STAG1: variants seen among roughly 807,000 people sequenced by gnomAD.
STAG1 encodes the protein cohesin subunit SA-1.
A neutral mutation model predicts 170.9 loss-of-function variants in STAG1; 26 were observed. The ratio of observed to expected loss-of-function variants is 0.15; its 90% CI spans 0.11 to 0.21. The LOEUF (loss-of-function observed/expected upper bound fraction) is 0.21. STAG1 is among the 10% of genes least tolerant of loss of function. STAG1 has a pLI of 1.00. For missense variants in STAG1, 964 were observed against 1,509.5 expected, an observed-to-expected ratio of 0.64 and a Z score of 5.99; for synonymous variants, 514 against 497.7, an observed-to-expected ratio of 1.03 and a Z score of -0.44.
intron 1 of STAG1, among the ~76,000 whole-genome samples, chr3:136,650,760 T>C (rs1257326152): frequency 1.3e-5 from 2 of 152,048 alleles, no homozygotes; most frequent in African/African-American, 4.8e-5. Context: ...GAGGAGATAT[T>C]ATGGGACTTA....
At chr3:136,683,691 G>T (rs1027808806) in intron 1 of STAG1, among the ~76,000 whole-genome samples, 2 of 152,096 alleles carry the variant, frequency 1.3e-5, no homozygotes, top group Non-Finnish European at 2.9e-5. Flanking sequence ...GGAAGTCTTA[G>T]CTAATGCAGT....
intron 1 of STAG1, among the ~76,000 whole-genome samples, chr3:136,715,413 C>T (rs1325602426): frequency 6.6e-6 from 1 of 150,888 alleles, no homozygotes; most frequent in African/African-American, 2.4e-5. Context: ...GAGGTCAGGA[C>T]ATGGAGATCA....
intron 1 of STAG1, among the ~76,000 whole-genome samples, chr3:136,693,326 T>A (rs992541079): frequency 6.6e-5 from 10 of 152,194 alleles, no homozygotes; most frequent in African/African-American, 2.4e-4. Context: ...TGGTTGCTCC[T>A]GTGTCTACAA....
chr3:136,677,661 G>C (rs1942167276), intron 1 of STAG1, among the ~76,000 whole-genome samples: 1 of 151,926 alleles, frequency 6.6e-6, no homozygotes, highest in African/African-American at 2.4e-5. Context: ...TTTCTAACAT[G>C]TGAAAACACA....
chr3:136,747,183 G>A (rs1351138182), intron 1 of STAG1, among the ~76,000 whole-genome samples: 1 of 148,038 alleles, frequency 6.8e-6, no homozygotes, highest in East Asian at 2.0e-4. Context: ...TGGGGCAGGA[G>A]AATCACTTGA....
At chr3:136,682,233 T>A (rs1056877363) in intron 1 of STAG1, among the ~76,000 whole-genome samples, 6 of 151,946 alleles carry the variant, frequency 3.9e-5, no homozygotes, top group Admixed American at 2.0e-4. Flanking sequence ...AAGATCAGCC[T>A]GGGAAACATG....
chr3:136,643,549 T>C (rs1940880841), intron 1 of STAG1, among the ~76,000 whole-genome samples: 1 of 152,118 alleles, frequency 6.6e-6, no homozygotes, highest in Non-Finnish European at 1.5e-5. Flanking sequence ...GGCTCTGTTG[T>C]CCAGGCTGGA....
chr3:136,458,531 T>TA (rs2089184002), intron 13 of STAG1, among the ~76,000 whole-genome samples: 1 of 152,014 alleles, frequency 6.6e-6, no homozygotes, highest in African/African-American at 2.4e-5. Context: ...CTATAATAGA[T>TA]ACACCAGAAA....
intron 1 of STAG1, among the ~76,000 whole-genome samples, chr3:136,690,457 A>G (rs777695024): frequency 3.5e-4 from 54 of 152,324 alleles, no homozygotes; most frequent in Admixed American, 2.9e-3. Flanking sequence ...GGCTGGTCTC[A>G]AACTCCTGAC....
chr3:136,664,407 C>T (rs1442912886), intron 1 of STAG1, among the ~76,000 whole-genome samples: 1 of 152,168 alleles, frequency 6.6e-6, no homozygotes, highest in Non-Finnish European at 1.5e-5. Flanking sequence ...TAAAAGTAAA[C>T]AAGGGCAGCT....
chr3:136,454,774 T>C (rs1468151454), intron 13 of STAG1, among the ~76,000 whole-genome samples: 3 of 152,262 alleles, frequency 2.0e-5, no homozygotes, highest in Non-Finnish European at 2.9e-5. Context: ...TTTTTGATCA[T>C]GTAGTAAAAC....
intron 29 of STAG1, 62 bp from the exon 30 acceptor site, chr3:136,344,068 T>C (rs987395762): frequency 7.2e-5 from 93 of 1,296,078 alleles, no homozygotes; most frequent in African/African-American, 2.6e-4. Flanking sequence ...GTAGCAGTCA[T>C]AGCATAGACT....
intron 12 of STAG1, among the ~76,000 whole-genome samples, chr3:136,469,973 G>C (rs980691506): frequency 2.6e-3 from 393 of 152,178 alleles, no homozygotes; most frequent in Non-Finnish European, 3.8e-3. Flanking sequence ...ACACCTTATA[G>C]AAAAATTAAT....
chr3:136,544,382 C>T (rs1444455175), intron 5 of STAG1, among the ~76,000 whole-genome samples: 2 of 152,122 alleles, frequency 1.3e-5, no homozygotes, highest in Admixed American at 1.3e-4. Flanking sequence ...TACACAAGTA[C>T]ACAGAAGACT....
At chr3:136,724,681 C>A (rs1273796251) in intron 1 of STAG1, among the ~76,000 whole-genome samples, 4 of 151,404 alleles carry the variant, frequency 2.6e-5, no homozygotes, top group East Asian at 3.9e-4. Flanking sequence ...TCCAGCTGTG[C>A]TCAGTAGCTC....
chr3:136,541,566 A>G lies in STAG1; in HGVS notation c.471+553T>C, dbSNP rs1049859534. On this transcript the variant is annotated intron_variant, in intron 6 of 33. Coordinates refer to ENST00000383202, the MANE Select transcript of STAG1 (RefSeq NM_005862.3). ...CACACACACACACACACACACACAC[A>G]CACACACACACACACACACCAGGGG... 2.0e-5 allele frequency among the ~76,000 whole-genome samples: 3 copies of G among 151,746 alleles called. No homozygotes were observed. In the East Asian group the frequency reaches 5.8e-4, roughly 29 times the overall value.
chr3:136,585,593 AAATAATAATAAT>A (rs562758896), intron 4 of STAG1, among the ~76,000 whole-genome samples: 1 of 150,670 alleles, frequency 6.6e-6, no homozygotes, highest in African/African-American at 2.4e-5. Flanking sequence ...TGAGACTCAA[AAATAATAATAAT>A]AATAATAATA....
chr3:136,713,615 C>T (rs1355055995), intron 1 of STAG1, among the ~76,000 whole-genome samples: 2 of 150,832 alleles, frequency 1.3e-5, no homozygotes, highest in Non-Finnish European at 3.0e-5. Flanking sequence ...TGGGGAAGCA[C>T]GGTAACTAGC....
intron 1 of STAG1, among the ~76,000 whole-genome samples, chr3:136,710,625 C>T (rs545982683): frequency 2.6e-5 from 4 of 152,202 alleles, no homozygotes; most frequent in African/African-American, 9.6e-5. Context: ...TAGCCCCTCC[C>T]CCCTCCAACC....
Sources: allele counts gnomAD v4.1 joint callset (sites outside exome capture counted in the v4.1 genomes callset), GRCh38; gene constraint gnomAD v4.1.1; transcripts MANE v1.5; gene names NCBI Gene and HGNC (gene_info 2026-07-23, HGNC 2026-07-21).